Variants in TEC observed in about 807,000 individuals in gnomAD.
TEC encodes tec protein tyrosine kinase.
TEC carries 72 observed loss-of-function variants against 93.0 expected under a neutral mutation model. That is an observed-to-expected ratio of 0.77 (90% CI 0.64 to 0.94). TEC has a LOEUF of 0.94. TEC is among the 40% of genes least tolerant of loss of function. TEC has a pLI of 0.00. For missense variants in TEC, 630 were observed against 757.9 expected (o/e 0.83, Z 1.98); for synonymous variants, 249 against 247.7 (o/e 1.01, Z -0.05).
chr4:48,138,275 C>G (rs1426001428), intron 17 of TEC, among the ~76,000 whole-genome samples: 1 of 152,168 alleles, frequency 6.6e-6, no homozygotes, highest in Non-Finnish European at 1.5e-5. Flanking sequence ...CATTTCAATA[C>G]TTTCAAAGAC....
intron 2 of TEC, among the ~76,000 whole-genome samples, chr4:48,191,221 A>G (rs2109582381): frequency 6.6e-6 from 1 of 152,334 alleles, no homozygotes; most frequent in East Asian, 1.9e-4. Context: ...CACATAGCAT[A>G]ATTTATCTGG....
chr4:48,241,751 C>T (rs748189032), intron 1 of TEC, among the ~76,000 whole-genome samples: 19 of 152,234 alleles, frequency 1.2e-4, no homozygotes, highest in Non-Finnish European at 2.6e-4. Flanking sequence ...GCATTCTTGA[C>T]CACCTCATTC....
intron 2 of TEC, among the ~76,000 whole-genome samples, chr4:48,197,702 C>T (rs1722347204): frequency 6.6e-6 from 1 of 152,150 alleles, no homozygotes; most frequent in Admixed American, 6.5e-5. Context: ...CTGTCCTAGT[C>T]CTGAAGTGAA....
At chr4:48,206,237 T>C (rs1441795871) in intron 2 of TEC, among the ~76,000 whole-genome samples, 1 of 152,210 alleles carries the variant, frequency 6.6e-6, no homozygotes, top group Non-Finnish European at 1.5e-5. Context: ...GAAAAAGTTA[T>C]GGAACTAGAT....
intron 15 of TEC, among the ~76,000 whole-genome samples, chr4:48,139,605 A>G (rs1294648409): frequency 1.3e-5 from 2 of 152,210 alleles, no homozygotes; most frequent in Non-Finnish European, 2.9e-5. Context: ...TCAAAACAAT[A>G]CTATATAATT....
chr4:48,239,285 T>A (rs988991936), intron 1 of TEC, among the ~76,000 whole-genome samples: 1 of 152,196 alleles, frequency 6.6e-6, no homozygotes, highest in African/African-American at 2.4e-5. Flanking sequence ...GTTCTAAATA[T>A]GAGGTAAACA....
intron 2 of TEC, among the ~76,000 whole-genome samples, chr4:48,190,010 G>A (rs1464421731): frequency 2.0e-5 from 3 of 152,116 alleles, no homozygotes; most frequent in Admixed American, 6.5e-5. Flanking sequence ...CATCTGTTTA[G>A]CACTCGGAGC....
At chr4:48,202,102 G>A (rs546336837) in intron 2 of TEC, among the ~76,000 whole-genome samples, 51 of 151,872 alleles carry the variant, frequency 3.4e-4, no homozygotes, top group Middle Eastern at 6.8e-3. Context: ...GACTACAGGC[G>A]CCCGTACTGT....
At chr4:48,248,866 C>CTTT (rs34690737) in intron 1 of TEC, among the ~76,000 whole-genome samples, 4 of 136,836 alleles carry the variant, frequency 2.9e-5, no homozygotes, top group African/African-American at 8.2e-5. Context: ...TCTCCTCTTT[C>CTTT]TTTTTTTTTT....
chr4:48,236,233 A>G (rs1455098485), intron 1 of TEC, among the ~76,000 whole-genome samples: 8 of 152,188 alleles, frequency 5.3e-5, no homozygotes, highest in Admixed American at 5.2e-4. Context: ...ACAAAACTTC[A>G]GGATTCCAGC....
chr4:48,252,706 A>G (rs1724236764), intron 1 of TEC, among the ~76,000 whole-genome samples: 3 of 152,228 alleles, frequency 2.0e-5, no homozygotes, highest in Non-Finnish European at 2.9e-5. Context: ...ACAAAAAGCA[A>G]TATTAAATAC....
At chr4:48,216,258 C>G (rs71614025) in intron 2 of TEC, among the ~76,000 whole-genome samples, 2 of 137,540 alleles carry the variant, frequency 1.5e-5, no homozygotes, top group Non-Finnish European at 1.6e-5. Context: ...AAAAAAAAAA[C>G]AAAAAACTGT....
intron 2 of TEC, among the ~76,000 whole-genome samples, chr4:48,188,450 T>A (rs1241053566): frequency 6.6e-6 from 1 of 152,186 alleles, no homozygotes; most frequent in Non-Finnish European, 1.5e-5. Context: ...TGAGGGTTTT[T>A]TCCTTTATAA....
In TEC at chr4:48,158,417, G is replaced by A. The variant is rs138784122; in HGVS notation, c.738-1683C>T. ...GACCAAGTTCAACAAAATTGCAGTT[G>A]TGATCAATACATTTCTGAATGCAAT... is the stretch of plus-strand genomic sequence containing the variant. On this transcript the variant is annotated intron_variant, in intron 8 of 17. Transcript: ENST00000381501. Among the ~76,000 whole-genome samples the A allele has an allele frequency of 1.6e-4, 25 of 152,300 alleles. No individual in the cohort carries two copies. The East Asian group carries it at 4.6e-3, about 28-fold the overall frequency.
At chr4:48,166,103 C>G (rs1720863180) in intron 7 of TEC, among the ~76,000 whole-genome samples, 1 of 152,210 alleles carries the variant, frequency 6.6e-6, no homozygotes, top group Non-Finnish European at 1.5e-5. Flanking sequence ...TGTGCATTCC[C>G]TTTCACTGAG....
chr4:48,261,076 G>A (rs1724486334), intron 1 of TEC, among the ~76,000 whole-genome samples: 1 of 152,184 alleles, frequency 6.6e-6, no homozygotes, highest in African/African-American at 2.4e-5. Flanking sequence ...ACTTTTGCCT[G>A]GGGGAAGCAA....
intron 8 of TEC, among the ~76,000 whole-genome samples, chr4:48,158,983 C>T (rs1191193643): frequency 6.6e-6 from 1 of 151,172 alleles, no homozygotes; most frequent in Non-Finnish European, 1.5e-5. Context: ...AGGAGTCATA[C>T]ACAAATAAAT....
intron 1 of TEC, among the ~76,000 whole-genome samples, chr4:48,251,993 G>A (rs1338329249): frequency 1.3e-5 from 2 of 152,116 alleles, no homozygotes; most frequent in African/African-American, 4.8e-5. Context: ...AGAGAGAAAA[G>A]ACCAACTGAT....
intron 2 of TEC, among the ~76,000 whole-genome samples, chr4:48,178,268 C>A (rs1451468366): frequency 6.6e-6 from 1 of 152,180 alleles, no homozygotes; most frequent in African/African-American, 2.4e-5. Context: ...TGGACTCACT[C>A]CCTCTCTGCT....
Sources: gnomAD v4.1 joint callset for allele counts (sites outside exome capture counted in the v4.1 genomes callset) on GRCh38, gnomAD v4.1.1 for gene constraint, MANE v1.5 for transcripts, NCBI Gene and HGNC (gene_info 2026-07-23, HGNC 2026-07-21) for gene names.